PANX1: variants seen among roughly 807,000 people sequenced by gnomAD.
PANX1 encodes the protein pannexin 1, also known as pannexin-1.
PANX1 carries 30 observed loss-of-function variants against 38.7 expected under a neutral mutation model. That is an observed-to-expected ratio of 0.78 (90% CI 0.58 to 1.05). The LOEUF (loss-of-function observed/expected upper bound fraction) is 1.05. Among genes scored for constraint, PANX1 ranks in the 50% least tolerant of loss-of-function variants. The pLI is 0.00. For missense variants in PANX1, 551 were observed against 517.2 expected, an observed-to-expected ratio of 1.07 and a Z score of -0.63; for synonymous variants, 230 against 212.2, an observed-to-expected ratio of 1.08 and a Z score of -0.73.
chr11:94,162,536 T>C (rs1336748680), intron 2 of PANX1, among the ~76,000 whole-genome samples: 2 of 152,110 alleles, frequency 1.3e-5, no homozygotes, highest in African/African-American at 4.8e-5. Flanking sequence ...GATATAATCT[T>C]CTGGTGTGCC....
chr11:94,166,209 T>C (rs969370314), intron 2 of PANX1, among the ~76,000 whole-genome samples: 1 of 152,176 alleles, frequency 6.6e-6, no homozygotes, highest in Admixed American at 6.5e-5. Flanking sequence ...ATTACAGTGT[T>C]AGAGTATTCT....
In PANX1 at chr11:94,141,094, T is replaced by C. The variant is rs189443947; in HGVS notation, c.181+11601T>C. ...TAGTATCGTGAACATAGTTTTAATG[T>C]CGTGAACCTCCTGAAAAGGTCTCAG... On this transcript the variant is annotated intron_variant, in intron 1 of 4. Transcript: ENST00000227638. Among the ~76,000 whole-genome samples the C allele has an allele frequency of 3.5e-3, 534 of 152,318 alleles. 4 individuals are homozygous for C. Among genetic ancestry groups the C allele is most frequent in the African/African-American group, 0.012 (496 of 41,572 alleles).
intron 2 of PANX1, among the ~76,000 whole-genome samples, chr11:94,154,967 T>A (rs1946930925): frequency 6.6e-6 from 1 of 152,110 alleles, no homozygotes; most frequent in South Asian, 2.1e-4. Flanking sequence ...AATTGCAAGG[T>A]GGGTGAGGTG....
chr11:94,173,376 C>G (rs150092443), intron 2 of PANX1, among the ~76,000 whole-genome samples: 3 of 151,666 alleles, frequency 2.0e-5, no homozygotes, highest in Non-Finnish European at 4.4e-5. Flanking sequence ...AATTGTACAG[C>G]TAGATTCTTT....
intron 4 of PANX1, 129 bp downstream of exon 4, chr11:94,180,386 C>A: frequency 2.6e-6 from 2 of 771,344 alleles, no homozygotes; most frequent in Non-Finnish European, 4.1e-6. Context: ...ACCTTAATAC[C>A]AAGGTGCGGG....
At chr11:94,147,464 A>C (rs980584539) in intron 1 of PANX1, among the ~76,000 whole-genome samples, 3 of 152,044 alleles carry the variant, frequency 2.0e-5, no homozygotes, top group African/African-American at 7.2e-5. Flanking sequence ...TGGGTGTGTG[A>C]GGGACTGGAC....
At chr11:94,161,450 T>C (rs1947033226) in intron 2 of PANX1, among the ~76,000 whole-genome samples, 1 of 152,218 alleles carries the variant, frequency 6.6e-6, no homozygotes, top group Admixed American at 6.5e-5. Flanking sequence ...AAACTTCTCT[T>C]CTCACTTCAT....
At chr11:94,143,055 A>C (rs1946782049) in intron 1 of PANX1, among the ~76,000 whole-genome samples, 1 of 152,248 alleles carries the variant, frequency 6.6e-6, no homozygotes, top group African/African-American at 2.4e-5. Flanking sequence ...AGTTGTCTAC[A>C]TAATAGTAAC....
intron 3 of PANX1, 67 bp from the exon 4 acceptor site, chr11:94,179,535 T>C: frequency 8.7e-7 from 1 of 1,146,590 alleles, no homozygotes; most frequent in Non-Finnish European, 1.3e-6. Flanking sequence ...GTTGAATGTG[T>C]ATCTGCCTTT....
At chr11:94,144,650 G>C (rs56262211) in intron 1 of PANX1, among the ~76,000 whole-genome samples, 48,198 of 151,960 alleles carry the variant, frequency 0.32, 7,988 homozygotes, top group Admixed American at 0.4. Flanking sequence ...TCTTGCTGCT[G>C]CTTGTGTTAC....
intron 1 of PANX1, among the ~76,000 whole-genome samples, chr11:94,147,069 A>C (rs1355802962): frequency 6.6e-6 from 1 of 152,176 alleles, no homozygotes; most frequent in East Asian, 1.9e-4. Flanking sequence ...GAGTGTTAAC[A>C]CTGGTTGAAT....
intron 2 of PANX1, among the ~76,000 whole-genome samples, chr11:94,159,677 G>T (rs1217365315): frequency 1.3e-5 from 2 of 151,852 alleles, no homozygotes; most frequent in Admixed American, 6.6e-5. Flanking sequence ...CAGAAAACCA[G>T]CTCCTGGATT....
intron 2 of PANX1, among the ~76,000 whole-genome samples, chr11:94,154,549 A>C (rs1946924222): frequency 1.3e-5 from 2 of 152,178 alleles, no homozygotes; most frequent in South Asian, 2.1e-4. Flanking sequence ...GAAAACCCAA[A>C]AGCCAAAGTT....
chr11:94,138,408 A>G (rs1427264853), intron 1 of PANX1, among the ~76,000 whole-genome samples: 1 of 151,764 alleles, frequency 6.6e-6, no homozygotes, highest in East Asian at 1.9e-4. Flanking sequence ...TTTATTAACT[A>G]TTTCTATGTT....
Position 94,180,066 on chromosome 11 carries a change from A to C in PANX1, c.1010A>C (p.Glu337Ala). ...DLSLYNLFLE[E>A]NISEVKSYKC... is the part of the protein sequence containing the mutation. ...AGCCTCTACAATCTCTTCTTGGAGG[A>C]AAATATAAGTGAGGTCAAGTCATAC... Residue 337 changes from glutamate (E) to alanine (A), a missense_variant, in exon 4 of 5, where the codon GAA becomes GCA. Glu to Ala is a moderately radical substitution (Grantham distance 107). Coordinates refer to ENST00000227638, the MANE Select transcript of PANX1 (RefSeq NM_015368.4). The C allele has an allele frequency of 6.2e-7, 1 of 1,612,642 alleles. No homozygotes were observed. Among genetic ancestry groups the C allele is most frequent in the East Asian group, 2.2e-5 (1 of 44,830 alleles).
rs1363639112 is a variant in PANX1, at chr11:94,170,631, C to T, written c.322-7738C>T. 2.6e-5 allele frequency among the ~76,000 whole-genome samples: 4 copies of T among 151,764 alleles called. No homozygotes were observed. In the East Asian group the frequency reaches 7.7e-4, roughly 29 times the overall value. On this transcript the variant is annotated intron_variant, in intron 2 of 4. Transcript: ENST00000227638. ...GTGGCTTCTCCACACTGAGCAGACT[C>T]GGGACTGTTAAGCTGTTAGGGTCCT...
At chr11:94,144,605 G>T (rs1946806050) in intron 1 of PANX1, among the ~76,000 whole-genome samples, 1 of 152,062 alleles carries the variant, frequency 6.6e-6, no homozygotes, top group African/African-American at 2.4e-5. Context: ...CTAGAGCTCG[G>T]GACCAGGTTT....
chr11:94,169,326 G>A (rs538739020), intron 2 of PANX1, among the ~76,000 whole-genome samples: 1 of 151,598 alleles, frequency 6.6e-6, no homozygotes, highest in South Asian at 2.1e-4. Context: ...TTGAAAGGCA[G>A]GGTATCTTGT....
chr11:94,165,167 A>C (rs1947088898), intron 2 of PANX1, among the ~76,000 whole-genome samples: 1 of 152,088 alleles, frequency 6.6e-6, no homozygotes, highest in Admixed American at 6.5e-5. Context: ...GTTCATTTAC[A>C]TTCAATGTGA....
Sources: allele counts gnomAD v4.1 joint callset (sites outside exome capture counted in the v4.1 genomes callset), GRCh38; gene constraint gnomAD v4.1.1; transcripts MANE v1.5; gene names NCBI Gene and HGNC (gene_info 2026-07-23, HGNC 2026-07-21).